The following CTNNA3 variants were observed in gnomAD, a reference collection of about 807,000 sequenced individuals.
The protein encoded by CTNNA3 is catenin alpha-3.
A neutral mutation model predicts 95.7 loss-of-function variants in CTNNA3; 76 were observed. That is an observed-to-expected ratio of 0.79 (90% CI 0.66 to 0.96). CTNNA3 has a LOEUF of 0.96. Among genes scored for constraint, CTNNA3 ranks in the 40% least tolerant of loss-of-function variants. The pLI is 0.00. For missense variants in CTNNA3, 1,191 were observed against 1,089.8 expected (o/e 1.09, Z -1.31); for synonymous variants, 431 against 374.4 (o/e 1.15, Z -1.74).
intron 11 of CTNNA3, among the ~76,000 whole-genome samples, chr10:66,472,145 A>G (rs1839159537): frequency 1.3e-5 from 2 of 152,010 alleles, no homozygotes; most frequent in South Asian, 4.1e-4. Flanking sequence ...ACATCATAGA[A>G]GCTTGAAATT....
intron 7 of CTNNA3, among the ~76,000 whole-genome samples, chr10:66,777,402 G>C (rs780673319): frequency 3.3e-5 from 5 of 151,698 alleles, no homozygotes; most frequent in Non-Finnish European, 4.4e-5. Context: ...GAAGAGAGAA[G>C]TAAGAAAAGG....
intron 3 of CTNNA3, among the ~76,000 whole-genome samples, chr10:67,601,770 A>AT: frequency 6.6e-6 from 1 of 152,224 alleles, no homozygotes; most frequent in African/African-American, 2.4e-5. Context: ...CCATAAGATC[A>AT]TGAGTAACTA....
chr10:67,269,247 C>T (rs548235707), intron 5 of CTNNA3, among the ~76,000 whole-genome samples: 1 of 152,054 alleles, frequency 6.6e-6, no homozygotes, highest in African/African-American at 2.4e-5. Context: ...GAACAAGTGG[C>T]TTATCTAGAT....
chr10:67,741,329 A>T (rs937040272), intron 1 of CTNNA3, among the ~76,000 whole-genome samples: 3 of 147,708 alleles, frequency 2.0e-5, no homozygotes, highest in Non-Finnish European at 3.0e-5. Context: ...ATAAAAAAAT[A>T]AAAAATAAAA....
intron 5 of CTNNA3, among the ~76,000 whole-genome samples, chr10:67,268,401 A>T (rs11814077): frequency 0.066 from 9,976 of 152,006 alleles, 553 homozygotes; most frequent in African/African-American, 0.14. Context: ...TCATGCCTGT[A>T]GTGCCAGCTA....
chr10:66,554,122 C>G (rs751141790), intron 10 of CTNNA3, among the ~76,000 whole-genome samples: 17 of 151,900 alleles, frequency 1.1e-4, no homozygotes, highest in Non-Finnish European at 2.2e-4. Flanking sequence ...CTTTCTGAAA[C>G]TGTTAGTCCT....
intron 3 of CTNNA3, among the ~76,000 whole-genome samples, chr10:67,598,306 C>T (rs1842984409): frequency 6.6e-6 from 1 of 152,082 alleles, no homozygotes; most frequent in African/African-American, 2.4e-5. Flanking sequence ...TCTCCTGCAC[C>T]TAGGATTCTT....
chr10:67,095,031 A>T (rs1857894743), intron 7 of CTNNA3, among the ~76,000 whole-genome samples: 1 of 140,194 alleles, frequency 7.1e-6, no homozygotes, highest in African/African-American at 2.8e-5. Flanking sequence ...GTGTATATAC[A>T]TATATGTTTA....
intron 13 of CTNNA3, among the ~76,000 whole-genome samples, chr10:66,249,283 C>G (rs1056130155): frequency 6.6e-6 from 1 of 151,988 alleles, no homozygotes; most frequent in African/African-American, 2.4e-5. Flanking sequence ...GAGATCAGAT[C>G]AAGTTAAAAA....
At chr10:66,400,297 A>G (rs1215059682) in intron 11 of CTNNA3, among the ~76,000 whole-genome samples, 1 of 152,124 alleles carries the variant, frequency 6.6e-6, no homozygotes, top group East Asian at 1.9e-4. Context: ...AAAGAGAAAC[A>G]TAATCTGTTG....
chr10:66,189,617 T>C (rs202079136), intron 13 of CTNNA3, among the ~76,000 whole-genome samples: 46 of 140,364 alleles, frequency 3.3e-4, no homozygotes, highest in Admixed American at 5.6e-4. Flanking sequence ...TATATATATA[T>C]ACACACATAC....
intron 7 of CTNNA3, among the ~76,000 whole-genome samples, chr10:66,829,958 C>G (rs1360734132): frequency 1.3e-5 from 2 of 151,726 alleles, no homozygotes; most frequent in Middle Eastern, 3.2e-3. Flanking sequence ...CTCCGCCTCC[C>G]GGGTTCACGC....
At chr10:67,718,036 T>C (rs78275346) in intron 1 of CTNNA3, among the ~76,000 whole-genome samples, 15,940 of 152,220 alleles carry the variant, frequency 0.1, 1,075 homozygotes, top group African/African-American at 0.2. Flanking sequence ...TCCTCACACA[T>C]CCCTTGTAAG....
At chr10:66,576,657 T>G (rs548155247) in intron 10 of CTNNA3, among the ~76,000 whole-genome samples, 2 of 152,194 alleles carry the variant, frequency 1.3e-5, no homozygotes, top group East Asian at 3.9e-4. Flanking sequence ...GCAAAGAACA[T>G]GATTTCATTC....
chr10:66,089,021 G>C (rs7894290), intron 14 of CTNNA3, among the ~76,000 whole-genome samples: 33,944 of 151,758 alleles, frequency 0.22, 3,878 homozygotes, highest in South Asian at 0.36. Context: ...TCCTCAAATG[G>C]ATGTTTGTCT....
chr10:66,215,746 T>G (rs1283359794), intron 13 of CTNNA3, among the ~76,000 whole-genome samples: 1 of 152,162 alleles, frequency 6.6e-6, no homozygotes, highest in African/African-American at 2.4e-5. Context: ...GAGTGGAGTT[T>G]AGGTATCATA....
intron 11 of CTNNA3, among the ~76,000 whole-genome samples, chr10:66,383,905 T>G (rs1003475513): frequency 6.6e-6 from 1 of 152,176 alleles, no homozygotes; most frequent in Non-Finnish European, 1.5e-5. Context: ...CTGAGAGATT[T>G]TGTCACCATC....
At chr10:67,554,529 G>C (rs1841160993) in intron 3 of CTNNA3, among the ~76,000 whole-genome samples, 1 of 152,284 alleles carries the variant, frequency 6.6e-6, no homozygotes, top group Admixed American at 6.5e-5. Context: ...ATTTTTTCAT[G>C]TGTCTGTTGG....
At chr10:66,109,259 G>A (rs1392305493) in intron 13 of CTNNA3, among the ~76,000 whole-genome samples, 1 of 152,132 alleles carries the variant, frequency 6.6e-6, no homozygotes, top group Non-Finnish European at 1.5e-5. Flanking sequence ...GGGTCGGTGA[G>A]ACTCCCTGAC....
Sources: allele counts gnomAD v4.1 joint callset (sites outside exome capture counted in the v4.1 genomes callset), GRCh38; gene constraint gnomAD v4.1.1; transcripts MANE v1.5; gene names NCBI Gene and HGNC (gene_info 2026-07-23, HGNC 2026-07-21).